Variants in MEMO1 observed in about 807,000 individuals in gnomAD.
MEMO1 encodes the protein protein MEMO1.
MEMO1 carries 6 observed loss-of-function variants against 45.2 expected under a neutral mutation model. The observed-to-expected ratio is 0.13, with a 90% confidence interval of 0.07 to 0.26. The LOEUF (loss-of-function observed/expected upper bound fraction) is 0.26. MEMO1 is among the 10% of genes least tolerant of loss of function. The probability of loss-of-function intolerance (pLI) is 1.00; values close to 1 mark genes in which losing one functional copy is unlikely to be tolerated. For synonymous variants in MEMO1, 78 were observed against 124.3 expected (o/e 0.63, Z 2.48); for missense variants, 184 against 370.5 (o/e 0.50, Z 4.13).
chr2:31,917,910 A>C lies in MEMO1; in HGVS notation c.437+16T>G. 4 of 1,499,768 alleles carry C rather than the reference A, an allele frequency of 2.7e-6. No homozygotes were observed. Among genetic ancestry groups the C allele is most frequent in the Non-Finnish European group, 2.7e-6 (3 of 1,099,702 alleles). 92.9% of individuals were successfully genotyped at this position (1,499,768 alleles called of 1,614,324 possible). A position where few individuals can be genotyped will look rare whatever the true frequency, so the allele number is the denominator to read the frequency against. ...GTCTATGATTTCCTGGGGATTTCTT[A>C]TATCAATCAATATACCTTTCCATGG... On this transcript the variant is annotated intron_variant, in intron 6 of 9. Transcript: ENST00000404530.
chr2:31,926,522 T>C (rs778708432), intron 4 of MEMO1, among the ~76,000 whole-genome samples: 20 of 152,116 alleles, frequency 1.3e-4, no homozygotes, highest in Non-Finnish European at 2.6e-4. Flanking sequence ...GAATTAATGA[T>C]TTTTTCTGAT....
chr2:31,869,751 G>T (rs1673390714), intron 9 of MEMO1, 97 bp downstream of exon 9: 3 of 1,315,842 alleles, frequency 2.3e-6, no homozygotes, highest in African/African-American at 1.5e-5. Flanking sequence ...TTGACCATAG[G>T]TACATAAAAC....
At chr2:31,871,167 A>G (rs1673665544) in intron 8 of MEMO1, among the ~76,000 whole-genome samples, 1 of 152,160 alleles carries the variant, frequency 6.6e-6, no homozygotes, top group Non-Finnish European at 1.5e-5. Flanking sequence ...CAATTATATT[A>G]TTTTCTTATT....
At chr2:32,006,550 C>CCATTAAATA (rs920887956) in intron 2 of MEMO1, among the ~76,000 whole-genome samples, 1 of 150,494 alleles carries the variant, frequency 6.6e-6, no homozygotes, top group African/African-American at 2.5e-5. Flanking sequence ...TTTAAACAAC[C>CCATTAAATA]CATTAAATAT....
chr2:32,007,044 T>C (rs1323681284), intron 2 of MEMO1, among the ~76,000 whole-genome samples: 1 of 150,904 alleles, frequency 6.6e-6, no homozygotes, highest in Non-Finnish European at 1.5e-5. Flanking sequence ...ATTTGCATCA[T>C]ATTAGTCCCC....
At chr2:31,953,153 G>A (rs1287046611) in intron 2 of MEMO1, among the ~76,000 whole-genome samples, 2 of 152,024 alleles carry the variant, frequency 1.3e-5, no homozygotes, top group South Asian at 2.1e-4. Context: ...CGGATCATGA[G>A]GTCAGGAGTT....
intron 2 of MEMO1, among the ~76,000 whole-genome samples, chr2:31,985,002 ATCTT>A (rs1221361360): frequency 6.6e-6 from 1 of 152,242 alleles, no homozygotes; most frequent in African/African-American, 2.4e-5. Context: ...ATTCTGTACT[ATCTT>A]TATAACTTTT....
intron 6 of MEMO1, among the ~76,000 whole-genome samples, chr2:31,895,765 G>GATAAGCACA (rs1272965985): frequency 2.0e-5 from 3 of 148,740 alleles, no homozygotes; most frequent in Admixed American, 6.7e-5. Context: ...TCCAAAGTAT[G>GATAAGCACA]ATAAGCACAA....
intron 4 of MEMO1, among the ~76,000 whole-genome samples, chr2:31,924,885 CATT>C (rs1284015053): frequency 2.0e-5 from 3 of 152,158 alleles, no homozygotes; most frequent in African/African-American, 4.8e-5. Flanking sequence ...TAAAATGTAT[CATT>C]GTTAAACTTC....
At chr2:31,981,915 GT>G (rs1335665194) in intron 2 of MEMO1, among the ~76,000 whole-genome samples, 1 of 152,120 alleles carries the variant, frequency 6.6e-6, no homozygotes, top group African/African-American at 2.4e-5. Flanking sequence ...ATGTATGCAA[GT>G]TAACCAAACA....
chr2:31,910,024 T>A (rs1177101692), intron 6 of MEMO1, among the ~76,000 whole-genome samples: 1 of 151,852 alleles, frequency 6.6e-6, no homozygotes, highest in Non-Finnish European at 1.5e-5. Flanking sequence ...CAAACATGGA[T>A]AAAAATGATA....
chr2:31,922,664 T>A (rs1682492701), intron 4 of MEMO1, among the ~76,000 whole-genome samples: 1 of 152,004 alleles, frequency 6.6e-6, no homozygotes, highest in African/African-American at 2.4e-5. Flanking sequence ...TCGGTGTCTG[T>A]TGTTCCCTTC....
At chr2:31,891,813 G>A (rs1349328159) in intron 7 of MEMO1, among the ~76,000 whole-genome samples, 179 bp downstream of exon 7, 1 of 152,102 alleles carries the variant, frequency 6.6e-6, no homozygotes, top group African/African-American at 2.4e-5. Flanking sequence ...ATCCACTATT[G>A]TAATCTGATC....
chr2:31,964,235 T>A (rs1420183773), intron 2 of MEMO1, among the ~76,000 whole-genome samples: 1 of 151,524 alleles, frequency 6.6e-6, no homozygotes, highest in African/African-American at 2.4e-5. Flanking sequence ...TACATACACA[T>A]ACACGTACAC....
chr2:31,966,751 A>T (rs539935484), intron 2 of MEMO1, among the ~76,000 whole-genome samples: 1 of 151,914 alleles, frequency 6.6e-6, no homozygotes, highest in African/African-American at 2.4e-5. Context: ...AAAATGAAAA[A>T]AATAAAAAGG....
At chr2:31,939,718 C>A (rs913479288) in intron 3 of MEMO1, among the ~76,000 whole-genome samples, 2 of 152,250 alleles carry the variant, frequency 1.3e-5, no homozygotes, top group Non-Finnish European at 2.9e-5. Flanking sequence ...CCCCTCTTAT[C>A]CCTGCATCAA....
chr2:31,924,446 T>TA (rs36009338), intron 4 of MEMO1, among the ~76,000 whole-genome samples: 14,621 of 134,108 alleles, frequency 0.11, 766 homozygotes, highest in Middle Eastern at 0.2. Flanking sequence ...ATACACAAGT[T>TA]AAAAAAAAAA....
intron 2 of MEMO1, among the ~76,000 whole-genome samples, chr2:31,992,730 G>A (rs1482209707): frequency 6.6e-6 from 1 of 152,152 alleles, no homozygotes; most frequent in East Asian, 1.9e-4. Flanking sequence ...GGTGCAGTGA[G>A]CCGAGATCGT....
At position 31,905,782 on chromosome 2, in the gene MEMO1, C is replaced by T. The variant is rs144314128; in HGVS notation, c.437+12144G>A. On this transcript the variant is annotated intron_variant, in intron 6 of 9. Transcript: ENST00000404530. ...GGAACATTTCTATCTGCATAGAATT[C>T]TGTGTAGAATCCTCATGATTCTAAC... 3.2e-3 allele frequency among the ~76,000 whole-genome samples: 493 copies of T among 152,270 alleles called. 8 individuals carry two copies. Among genetic ancestry groups the T allele is most frequent in the African/African-American group, 0.011 (464 of 41,550 alleles).
Sources: gnomAD v4.1 joint callset for allele counts (sites outside exome capture counted in the v4.1 genomes callset) on GRCh38, gnomAD v4.1.1 for gene constraint, MANE v1.5 for transcripts, NCBI Gene and HGNC (gene_info 2026-07-23, HGNC 2026-07-21) for gene names.